NSD2: variants seen among roughly 807,000 people sequenced by gnomAD.
NSD2 encodes the protein histone-lysine N-methyltransferase NSD2.
Under a neutral mutation model 139.0 loss-of-function variants are expected in NSD2, and 12 were observed. That is an observed-to-expected ratio of 0.09 (90% CI 0.06 to 0.14). NSD2 has a LOEUF of 0.14. Ranked by LOEUF, NSD2 falls within the 10% of genes least tolerant of loss-of-function variation. NSD2 has a pLI of 1.00. For synonymous variants in NSD2, 669 were observed against 648.7 expected (o/e 1.03, Z -0.48); for missense variants, 1,155 against 1,745.0 (o/e 0.66, Z 6.02).
chr4:1,875,515 G>T (rs937855066), intron 1 of NSD2, among the ~76,000 whole-genome samples: 28 of 151,948 alleles, frequency 1.8e-4, no homozygotes, highest in Non-Finnish European at 1.5e-5. Context: ...CCTGGGCTCA[G>T]GTGATCCTCC....
At chr4:1,885,223 TA>T (rs1715000433) in intron 1 of NSD2, among the ~76,000 whole-genome samples, 1 of 152,244 alleles carries the variant, frequency 6.6e-6, no homozygotes, top group African/African-American at 2.4e-5. Context: ...AATGCATGTC[TA>T]TTTTTTATAT....
At chr4:1,927,719 GAAAAAAAAAA>G (rs1177170379) in intron 5 of NSD2, among the ~76,000 whole-genome samples, 112 of 18,912 alleles carry the variant, frequency 5.9e-3, no homozygotes, top group African/African-American at 0.012. Context: ...TCTTATCTCA[GAAAAAAAAAA>G]AAAAAAAAAA....
intron 21 of NSD2, among the ~76,000 whole-genome samples, chr4:1,977,406 T>G (rs1727206859): frequency 6.6e-6 from 1 of 152,194 alleles, no homozygotes; most frequent in African/African-American, 2.4e-5. Context: ...GTTACAATCT[T>G]GCAGTGTGTC....
rs761945829 is a variant in NSD2 at position 1,978,692 on chromosome 4, C to T, written c.3881C>T (p.Ser1294Leu). ...GACGTGTGTGGCAAACCTTCGACTT[C>T]ATTTTGCCACCTCTGCCCCAATTCG... ...HCDVCGKPSTSFCHLCPNSFC... is the reference protein window; with the variant it reads ...HCDVCGKPSTLFCHLCPNSFC... Residue 1294 changes from serine (S) to leucine (L), a missense_variant, in exon 22 of 22, where the codon TCA becomes TTA. By Grantham distance (145) the Ser-to-Leu change is moderately radical (BLOSUM62 -2). Coordinates refer to ENST00000508803, the MANE Select transcript of NSD2 (RefSeq NM_001042424.3). The T allele has an allele frequency of 9.3e-6, 15 of 1,614,070 alleles. No homozygotes were observed. Among genetic ancestry groups the T allele is most frequent in the Non-Finnish European group, 1.3e-5 (15 of 1,179,934 alleles).
chr4:1,928,559 C>G (rs1172280267), intron 5 of NSD2, among the ~76,000 whole-genome samples: 1 of 152,180 alleles, frequency 6.6e-6, no homozygotes, highest in South Asian at 2.1e-4. Context: ...GATGATGACA[C>G]TTTCCTGGCT....
rs10004765 is a variant in NSD2, at chr4:1,930,849, C to T, written c.1555+79C>T. ...GCAAGCTGAGCTCTGATCTTGGAACCGTAGGGAAGTGTGTCCACTCTCCCT... is the reference window on the plus strand; with the variant it reads ...GCAAGCTGAGCTCTGATCTTGGAACTGTAGGGAAGTGTGTCCACTCTCCCT... On this transcript the variant is annotated intron_variant, in intron 6 of 21. Transcript: ENST00000508803. 0.012 allele frequency: 18,127 copies of T among 1,496,246 alleles called. 1,844 individuals are homozygous for T. The African/African-American group carries it at 0.22, about 18-fold the overall frequency. The allele number at this position is 1,496,246 out of a possible 1,614,324, so 92.7% of individuals were successfully genotyped here. A position where few individuals can be genotyped will look rare whatever the true frequency, so the allele number is the denominator to read the frequency against.
At chr4:1,915,835 G>A (rs1215487927) in intron 3 of NSD2, among the ~76,000 whole-genome samples, 1 of 152,180 alleles carries the variant, frequency 6.6e-6, no homozygotes, top group African/African-American at 2.4e-5. Context: ...TGTTCTGCAT[G>A]AGGGGACAGG....
chr4:1,948,407 A>G lies in NSD2; in HGVS notation c.1882-2665A>G. On this transcript the variant is annotated intron_variant, in intron 9 of 21. Transcript: ENST00000508803. The surrounding 1 kb of genome is among the most constrained non-coding windows in gnomAD (Gnocchi z 4.5). ...ATGGCTTCTCCGAGTGAGTCACGTC[A>G]CCTGGTGCGTGGAGGTGGAGCCTGC... is the stretch of plus-strand genomic sequence containing the variant. The G allele has an allele frequency of 9.4e-7, 1 of 1,066,286 alleles. No homozygotes were observed. Among genetic ancestry groups the G allele is most frequent in the Non-Finnish European group, 1.1e-6 (1 of 878,962 alleles). 66.1% of individuals were successfully genotyped at this position (1,066,286 alleles called of 1,614,324 possible).
chr4:1,947,875 A>G (rs1410960622), intron 9 of NSD2: 4 of 1,054,476 alleles, frequency 3.8e-6, no homozygotes, highest in Non-Finnish European at 2.3e-6. Context: ...AATGTGTATG[A>G]CGCCACTCTG....
intron 1 of NSD2, among the ~76,000 whole-genome samples, chr4:1,895,130 C>A (rs1364002731): frequency 6.6e-6 from 1 of 152,202 alleles, no homozygotes; most frequent in African/African-American, 2.4e-5. Context: ...CCTTTTAAAG[C>A]TGAATACTAC....
intron 1 of NSD2, among the ~76,000 whole-genome samples, chr4:1,876,361 C>T (rs1335362590): frequency 6.6e-6 from 1 of 152,116 alleles, no homozygotes; most frequent in African/African-American, 2.4e-5. Flanking sequence ...ATAGAAATTG[C>T]AGTGTTGGTT....
chr4:1,974,670 C>T lies in NSD2; in HGVS notation c.3373-193C>T, dbSNP rs1412028755. ...AAGGCTCGGTCCTCTCCACGTGGTCCTGACCTGTCCTCTGTGAGCAAGAGA... is the reference window on the plus strand; with the variant it reads ...AAGGCTCGGTCCTCTCCACGTGGTCTTGACCTGTCCTCTGTGAGCAAGAGA... On this transcript the variant is annotated intron_variant, in intron 18 of 21. Transcript: ENST00000508803. The surrounding 1 kb of genome is among the most constrained non-coding windows in gnomAD (Gnocchi z 4.0). 1.2e-6 allele frequency: 1 copy of T among 845,734 alleles called. No homozygotes were observed. Among genetic ancestry groups the T allele is most frequent in the Admixed American group, 1.7e-5 (1 of 58,398 alleles). 52.4% of individuals were successfully genotyped at this position (845,734 alleles called of 1,614,324 possible).
intron 9 of NSD2, among the ~76,000 whole-genome samples, 189 bp from the exon 10 acceptor site, chr4:1,950,883 A>C (rs551222522): frequency 1.3e-5 from 2 of 152,296 alleles, no homozygotes; most frequent in Non-Finnish European, 2.9e-5. Flanking sequence ...TACATAGCCT[A>C]ATTGACGGGT....
At chr4:1,875,069 C>T (rs2108882247) in intron 1 of NSD2, among the ~76,000 whole-genome samples, 1 of 152,272 alleles carries the variant, frequency 6.6e-6, no homozygotes, top group Admixed American at 6.5e-5. Context: ...TCAAGCTTTC[C>T]TCCCAGCTCA....
rs986729066 is a variant in NSD2, at chr4:1,980,453, T to A, written c.*1544T>A. ...TAACCTAAGGGGGACACATCCATCT[T>A]GCAGAGAAGTTTACAGAACTCCCCT... On this transcript the variant is annotated 3_prime_UTR_variant, in exon 22 of 22. Transcript: ENST00000508803. 1 of 233,126 alleles carries A rather than the reference T, an allele frequency of 4.3e-6. No individual in the cohort carries two copies. The highest frequency in any genetic ancestry group is 8.5e-6 in the Non-Finnish European group (1 of 118,026). 14.4% of individuals were successfully genotyped at this position (233,126 alleles called of 1,614,324 possible).
intron 6 of NSD2, among the ~76,000 whole-genome samples, chr4:1,933,748 A>G (rs1249177888): frequency 1.3e-5 from 2 of 152,202 alleles, no homozygotes; most frequent in Non-Finnish European, 1.5e-5. Flanking sequence ...CCCTCCGTAA[A>G]GCAGTCATGC....
At chr4:1,945,129 C>T (rs1011156545) in intron 9 of NSD2, 7 of 1,066,228 alleles carry the variant, frequency 6.6e-6, no homozygotes, top group Non-Finnish European at 8.0e-6. Context: ...GTCCCCGCAG[C>T]TCTAGGGAGA....
At chr4:1,912,770 C>G (rs139862256) in intron 3 of NSD2, among the ~76,000 whole-genome samples, 1 of 152,210 alleles carries the variant, frequency 6.6e-6, no homozygotes, top group East Asian at 1.9e-4. Context: ...CCTTGGAGCT[C>G]TCTCCTAGAA....
rs144003128 is a variant in NSD2, at chr4:1,958,794, A to G, written c.2986-677A>G. 2.5e-4 allele frequency among the ~76,000 whole-genome samples: 38 copies of G among 152,360 alleles called. No individual in the cohort carries two copies. Among genetic ancestry groups the G allele is most frequent in the South Asian group, 4.1e-4 (2 of 4,832 alleles). On this transcript the variant is annotated intron_variant, in intron 16 of 21. Coordinates refer to ENST00000508803, the MANE Select transcript of NSD2 (RefSeq NM_001042424.3). This position sits in a 1 kb window ranked among gnomAD's most constrained non-coding sequence, Gnocchi z 4.6. Reference sequence around the variant, plus strand: ...GGGTCAGAGAGTATGAAATGTTTAGATTCTTGGGGAATATTCCCAGATTGT... The same window carrying G: ...GGGTCAGAGAGTATGAAATGTTTAGGTTCTTGGGGAATATTCCCAGATTGT...
Sources: allele counts gnomAD v4.1 joint callset (sites outside exome capture counted in the v4.1 genomes callset), GRCh38; gene constraint gnomAD v4.1.1; non-coding constraint Gnocchi (gnomAD v3.1); transcripts MANE v1.5; gene names NCBI Gene and HGNC (gene_info 2026-07-23, HGNC 2026-07-21).